The following IDH3A variants were observed in gnomAD, a reference collection of about 807,000 sequenced individuals.
IDH3A encodes isocitrate dehydrogenase (NAD(+)) 3 catalytic subunit alpha.
Under a neutral mutation model 43.3 loss-of-function variants are expected in IDH3A, and 23 were observed. The ratio of observed to expected loss-of-function variants is 0.53; its 90% CI spans 0.38 to 0.75. The LOEUF is 0.75. Among genes scored for constraint, IDH3A ranks in the 30% least tolerant of loss-of-function variants. The pLI is 0.00. For missense variants in IDH3A, 329 were observed against 474.4 expected (o/e 0.69, Z 2.85); for synonymous variants, 154 against 163.5 (o/e 0.94, Z 0.44).
intron 9 of IDH3A, among the ~76,000 whole-genome samples, chr15:78,165,307 T>C (rs150711686): frequency 0.014 from 2,076 of 152,168 alleles, 41 homozygotes; most frequent in African/African-American, 0.047. Context: ...TTCTCCTGCC[T>C]CAGCCTCTCA....
At position 78,156,883 on chromosome 15, in the gene IDH3A, C is replaced by G. The variant is rs78087591; in HGVS notation, c.91-665C>G. The G allele has an allele frequency of 1.6e-3, 2,215 of 1,348,278 alleles. 35 individuals are homozygous for G. The African/African-American group carries it at 0.03, about 18-fold the overall frequency. 83.5% of individuals were successfully genotyped at this position (1,348,278 alleles called of 1,614,324 possible). On this transcript the variant is annotated intron_variant, in intron 2 of 10. Coordinates refer to ENST00000299518, the MANE Select transcript of IDH3A (RefSeq NM_005530.3). ...GACTCAGGCTTTGCAGGTATGATGACATATACTATTCTTTTTGGTTGCAGA... is the reference window on the plus strand; with the variant it reads ...GACTCAGGCTTTGCAGGTATGATGAGATATACTATTCTTTTTGGTTGCAGA...
chr15:78,155,713 A>G (rs1361005411), intron 2 of IDH3A: 1 of 164,478 alleles, frequency 6.1e-6, no homozygotes, highest in Non-Finnish European at 1.3e-5. Flanking sequence ...TCGAACATCT[A>G]TAAGCCTTGT....
At chr15:78,168,852 G>A in intron 10 of IDH3A, 70 bp from the exon 11 acceptor site, 2 of 983,920 alleles carry the variant, frequency 2.0e-6, no homozygotes, top group Non-Finnish European at 3.2e-6. Flanking sequence ...CTCACTGAGG[G>A]CTTTAAAATC....
At chr15:78,167,983 C>T (rs2074766769) in intron 10 of IDH3A, 2 of 152,118 alleles carry the variant, frequency 1.3e-5, no homozygotes, top group South Asian at 4.1e-4. Flanking sequence ...AGAGAGGTGC[C>T]TGAATTACAT....
At chr15:78,166,062 G>A in intron 9 of IDH3A, 88 bp from the exon 10 acceptor site, 1 of 1,240,622 alleles carries the variant, frequency 8.1e-7, no homozygotes, top group Non-Finnish European at 1.2e-6. Flanking sequence ...GTATTGCTGA[G>A]GAAAGATGGT....
At chr15:78,159,047 G>A (rs1317212911) in intron 3 of IDH3A, among the ~76,000 whole-genome samples, 4 of 152,018 alleles carry the variant, frequency 2.6e-5, no homozygotes, top group African/African-American at 9.7e-5. Flanking sequence ...TGGCTAGGCT[G>A]GGCTGGAACT....
Position 78,168,726 on chromosome 15 carries a change from C to T in IDH3A, c.1018-196C>T. On this transcript the variant is annotated intron_variant, in intron 10 of 10. Coordinates refer to ENST00000299518, the MANE Select transcript of IDH3A (RefSeq NM_005530.3). ...ATTCTTTGCAGAGTGCTGTTGTATA[C>T]ACTATGAGATTGGATCCCGATCCTC... 9 of 517,196 alleles carry T rather than the reference C, an allele frequency of 1.7e-5. No individual in the cohort carries two copies. The South Asian group carries it at 1.9e-4, about 11-fold the overall frequency. The allele number at this position is 517,196 out of a possible 1,614,324, so 32.0% of individuals were successfully genotyped here. A position where few individuals can be genotyped will look rare whatever the true frequency, so the allele number is the denominator to read the frequency against.
At chr15:78,149,524 C>T in intron 1 of IDH3A, 94 bp downstream of exon 1, 3 of 1,149,220 alleles carry the variant, frequency 2.6e-6, no homozygotes, top group Non-Finnish European at 3.6e-6. Flanking sequence ...GGCGCGTGGG[C>T]CAGACAGGGA....
chr15:78,160,617 G>A (rs1168472387), intron 4 of IDH3A, among the ~76,000 whole-genome samples: 2 of 151,458 alleles, frequency 1.3e-5, no homozygotes, highest in African/African-American at 4.9e-5. Context: ...TCAGCCGCCC[G>A]AGTGGCTAGG....
Position 78,161,533 on chromosome 15 carries a change from A to G in IDH3A, c.290-48A>G, listed in dbSNP as rs139975797. On this transcript the variant is annotated intron_variant, in intron 4 of 10. Coordinates refer to ENST00000299518, the MANE Select transcript of IDH3A (RefSeq NM_005530.3). This position sits in a 1 kb window ranked among gnomAD's most constrained non-coding sequence, Gnocchi z 4.8. ...GAGGTGGGTTAGTAGGTCACACGTG[A>G]GACCAGAATTCCTTCTAGTGTCATC... 2.0e-5 allele frequency: 31 copies of G among 1,520,316 alleles called. No individual in the cohort carries two copies. The African/African-American group carries it at 3.4e-4, about 17-fold the overall frequency. 94.2% of individuals were successfully genotyped at this position (1,520,316 alleles called of 1,614,324 possible).
chr15:78,171,932 A>G lies in IDH3A; in HGVS notation c.*2927A>G, dbSNP rs908044859. On this transcript the variant is annotated 3_prime_UTR_variant, in exon 11 of 11. Transcript: ENST00000299518. ...CATCTCTTGAATGAATAAATTGTTG[A>G]AGCAATTAAAAAATAGACTAGGTTT... 2.0e-4 allele frequency: 31 copies of G among 156,976 alleles called. No homozygotes were observed. The highest frequency in any genetic ancestry group is 4.2e-5 in the Non-Finnish European group (3 of 71,062). The allele number at this position is 156,976 out of a possible 1,614,324, so 9.7% of individuals were successfully genotyped here.
At position 78,166,296 on chromosome 15, in the gene IDH3A, C is replaced by A; in HGVS notation, c.1011C>A (p.Asp337Glu). ...CTGCGTGTTTTGCTACAATTAAGGA[C>A]GGAAAGGTAACAGGAATCTTGATTT... ...IEAACFATIK[D>E]GKSLTKDLGG... Residue 337 changes from aspartate (D) to glutamate (E), a missense_variant, in exon 10 of 11, where the codon GAC (aspartate) becomes GAA (glutamate). Physicochemically the swap from Asp to Glu is conservative, Grantham distance 45 (BLOSUM62 2). Coordinates refer to ENST00000299518, the MANE Select transcript of IDH3A (RefSeq NM_005530.3). The A allele has an allele frequency of 1.9e-6, 3 of 1,613,892 alleles. No homozygotes were observed. The South Asian group carries it at 3.3e-5, about 18-fold the overall frequency.
chr15:78,169,206 C>T lies in IDH3A; in HGVS notation c.*201C>T. The T allele has an allele frequency of 2.6e-6, 1 of 385,902 alleles. No individual in the cohort carries two copies. Among genetic ancestry groups the T allele is most frequent in the South Asian group, 8.4e-5 (1 of 11,864 alleles). The allele number at this position is 385,902 out of a possible 1,614,324, so 23.9% of individuals were successfully genotyped here. A position where few individuals can be genotyped will look rare whatever the true frequency, so the allele number is the denominator to read the frequency against. On this transcript the variant is annotated 3_prime_UTR_variant, in exon 11 of 11. Transcript: ENST00000299518. The stretch of plus-strand genomic sequence containing the variant: ...GTTTTCAAAGAACTTTTTCCAAGTG[C>T]TTGTTTTATTTATTAAGTGTCTACC...
intron 3 of IDH3A, 103 bp from the exon 4 acceptor site, chr15:78,159,989 T>C (rs1294716690): frequency 1.2e-5 from 9 of 728,890 alleles, no homozygotes; most frequent in Non-Finnish European, 1.7e-5. Flanking sequence ...AGCGGGACTC[T>C]ATCTCAAAAA....
Position 78,171,231 on chromosome 15 carries a change from T to A in IDH3A, c.*2226T>A. The A allele has an allele frequency of 2.3e-6, 1 of 440,450 alleles. No individual in the cohort carries two copies. Among genetic ancestry groups the A allele is most frequent in the Non-Finnish European group, 4.1e-6 (1 of 243,802 alleles). The allele number at this position is 440,450 out of a possible 1,614,324, so 27.3% of individuals were successfully genotyped here. A position where few individuals can be genotyped will look rare whatever the true frequency, so the allele number is the denominator to read the frequency against. ...CCTGAACAAAAAGCAATACTTAAAC[T>A]GAATTAAAACTACCCACACGTGAAG... On this transcript the variant is annotated 3_prime_UTR_variant, in exon 11 of 11. Transcript: ENST00000299518.
At position 78,169,772 on chromosome 15, in the gene IDH3A, A is replaced by G. The variant is rs1032195566; in HGVS notation, c.*767A>G. 1.3e-5 allele frequency: 2 copies of G among 152,212 alleles called. No individual in the cohort carries two copies. Among genetic ancestry groups the G allele is most frequent in the Non-Finnish European group, 2.9e-5 (2 of 68,032 alleles). The allele number at this position is 152,212 out of a possible 1,614,324, so 9.4% of individuals were successfully genotyped here. On this transcript the variant is annotated 3_prime_UTR_variant, in exon 11 of 11. Coordinates refer to ENST00000299518, the MANE Select transcript of IDH3A (RefSeq NM_005530.3). ...AGCTAGTACTTCATTTTCACTGGATACATTTTCAGCATCATGAGTTGTCAC... is the reference window on the plus strand; with the variant it reads ...AGCTAGTACTTCATTTTCACTGGATGCATTTTCAGCATCATGAGTTGTCAC...
intron 3 of IDH3A, 71 bp downstream of exon 3, chr15:78,157,702 A>C: frequency 1.0e-6 from 1 of 995,984 alleles, no homozygotes. Context: ...GGATTCTGTG[A>C]ACTTTTAGGA....
intron 7 of IDH3A, 29 bp downstream of exon 7, chr15:78,163,638 C>G: frequency 6.4e-7 from 1 of 1,554,734 alleles, no homozygotes; most frequent in Non-Finnish European, 8.9e-7. Flanking sequence ...TTACCTGCTA[C>G]TTTTTATGGT....
chr15:78,161,850 T>C lies in IDH3A; in HGVS notation c.477+82T>C. 1 of 1,225,470 alleles carries C rather than the reference T, an allele frequency of 8.2e-7. No individual in the cohort carries two copies. Among genetic ancestry groups the C allele is most frequent in the Non-Finnish European group, 1.2e-6 (1 of 846,286 alleles). 75.9% of individuals were successfully genotyped at this position (1,225,470 alleles called of 1,614,324 possible). A position where few individuals can be genotyped will look rare whatever the true frequency, so the allele number is the denominator to read the frequency against. On this transcript the variant is annotated intron_variant, in intron 5 of 10. Transcript: ENST00000299518. This position sits in a 1 kb window ranked among gnomAD's most constrained non-coding sequence, Gnocchi z 4.8. ...GGACCCCAGAGACAGATCTGCTTTATCTCTGTGAGGAGTTGTGGGTGTTTG... is the reference window on the plus strand; with the variant it reads ...GGACCCCAGAGACAGATCTGCTTTACCTCTGTGAGGAGTTGTGGGTGTTTG...
Sources: allele counts gnomAD v4.1 joint callset (sites outside exome capture counted in the v4.1 genomes callset), GRCh38; gene constraint gnomAD v4.1.1; non-coding constraint Gnocchi (gnomAD v3.1); transcripts MANE v1.5; gene names NCBI Gene and HGNC (gene_info 2026-07-23, HGNC 2026-07-21).